Variants in PHF21B observed in about 807,000 individuals in gnomAD.
PHF21B encodes the protein PHD finger protein 4.
In PHF21B, 22 loss-of-function variants were observed where a neutral mutation model predicts 62.2. That is an observed-to-expected ratio of 0.35 (90% CI 0.25 to 0.51). The LOEUF is 0.51. Among genes scored for constraint, PHF21B ranks in the 20% least tolerant of loss-of-function variants. PHF21B has a pLI of 0.97. For missense variants in PHF21B, 701 were observed against 707.9 expected, an observed-to-expected ratio of 0.99 and a Z score of 0.11; for synonymous variants, 341 against 314.7, an observed-to-expected ratio of 1.08 and a Z score of -0.88.
At chr22:44,939,624 T>C (rs1309236142) in intron 2 of PHF21B, among the ~76,000 whole-genome samples, 2 of 151,990 alleles carry the variant, frequency 1.3e-5, no homozygotes, top group African/African-American at 2.4e-5. Flanking sequence ...GAGGTAACTG[T>C]GGGACACCCA....
intron 2 of PHF21B, among the ~76,000 whole-genome samples, chr22:44,963,414 CTAGAAA>C (rs1377992522): frequency 1.3e-5 from 2 of 152,148 alleles, no homozygotes; most frequent in Admixed American, 1.3e-4. Flanking sequence ...GTTTTTTTAC[CTAGAAA>C]TAAAGTGACT....
At chr22:44,973,696 C>G (rs1246426817) in intron 2 of PHF21B, among the ~76,000 whole-genome samples, 4 of 142,740 alleles carry the variant, frequency 2.8e-5, no homozygotes, top group African/African-American at 1.1e-4. Context: ...AGGAACCATT[C>G]TGAAACACAA....
chr22:44,970,368 T>C (rs759432862), intron 2 of PHF21B, among the ~76,000 whole-genome samples: 3 of 152,168 alleles, frequency 2.0e-5, no homozygotes, highest in Non-Finnish European at 4.4e-5. Context: ...GGGCAGATGC[T>C]GGTCAAGCAC....
intron 2 of PHF21B, among the ~76,000 whole-genome samples, chr22:44,927,303 G>A (rs1309696839): frequency 2.0e-5 from 3 of 151,940 alleles, no homozygotes; most frequent in Admixed American, 6.6e-5. Context: ...CCAAACCAAC[G>A]GCCTGTGTGC....
At chr22:44,953,320 A>G (rs943279214) in intron 2 of PHF21B, among the ~76,000 whole-genome samples, 1 of 152,108 alleles carries the variant, frequency 6.6e-6, no homozygotes, top group Non-Finnish European at 1.5e-5. Flanking sequence ...GGAAATTAGA[A>G]CTCACAGCAA....
intron 2 of PHF21B, among the ~76,000 whole-genome samples, chr22:44,965,006 G>A (rs1415419179): frequency 2.0e-5 from 3 of 152,186 alleles, no homozygotes; most frequent in African/African-American, 7.2e-5. Context: ...CCTGGGGCAG[G>A]GGCATCTCAG....
chr22:44,900,667 G>C (rs571374622), intron 5 of PHF21B, among the ~76,000 whole-genome samples: 2 of 152,118 alleles, frequency 1.3e-5, no homozygotes, highest in East Asian at 3.9e-4. Flanking sequence ...TGAAATCCTT[G>C]GCTTGTTCTT....
intron 5 of PHF21B, among the ~76,000 whole-genome samples, chr22:44,912,153 T>C (rs1048364702): frequency 2.6e-5 from 4 of 152,238 alleles, no homozygotes; most frequent in Non-Finnish European, 4.4e-5. Context: ...TGTACCCTCA[T>C]TGTATTTAGG....
intron 2 of PHF21B, among the ~76,000 whole-genome samples, chr22:45,002,676 A>C (rs946506984): frequency 9.9e-5 from 15 of 152,036 alleles, no homozygotes; most frequent in African/African-American, 3.6e-4. Flanking sequence ...GCACCCCTGC[A>C]CTCCTACACA....
intron 5 of PHF21B, among the ~76,000 whole-genome samples, chr22:44,909,584 C>G (rs1206048955): frequency 6.6e-6 from 1 of 152,268 alleles, no homozygotes; most frequent in Non-Finnish European, 1.5e-5. Context: ...CCGTGGCTCC[C>G]CATTACCTAA....
chr22:44,978,360 T>C (rs1255092442), intron 2 of PHF21B, among the ~76,000 whole-genome samples: 1 of 152,000 alleles, frequency 6.6e-6, no homozygotes, highest in East Asian at 1.9e-4. Flanking sequence ...TTGTTTTTGT[T>C]TGTTTTGTTT....
chr22:44,907,551 T>C (rs867658507), intron 5 of PHF21B, among the ~76,000 whole-genome samples: 10 of 152,278 alleles, frequency 6.6e-5, no homozygotes, highest in South Asian at 4.1e-4. Flanking sequence ...GTCTGTGACC[T>C]GGAAGGGCAG....
intron 2 of PHF21B, among the ~76,000 whole-genome samples, chr22:44,937,162 G>C (rs552863801): frequency 6.6e-6 from 1 of 152,230 alleles, no homozygotes; most frequent in African/African-American, 2.4e-5. Flanking sequence ...CACCGCACCC[G>C]GCTGAACATT....
chr22:45,002,943 G>A (rs1364414485), intron 2 of PHF21B: 1 of 152,246 alleles, frequency 6.6e-6, no homozygotes, highest in Non-Finnish European at 1.5e-5. Flanking sequence ...TCCCCAGGAG[G>A]CCCTATGGAC....
chr22:44,920,378 C>T lies in PHF21B; in HGVS notation c.213+20G>A. The T allele has an allele frequency of 1.3e-6, 2 of 1,587,112 alleles. No homozygotes were observed. The highest frequency in any genetic ancestry group is 1.7e-6 in the Non-Finnish European group (2 of 1,163,600). On this transcript the variant is annotated intron_variant, in intron 3 of 12. Transcript: ENST00000313237. Reference sequence around the variant, plus strand: ...GGACAGACAGACGGACACCCCAGGGCCCGCCCGAGGGCTGCTTACCTGAGG... The same window carrying T: ...GGACAGACAGACGGACACCCCAGGGTCCGCCCGAGGGCTGCTTACCTGAGG...
chr22:44,972,300 T>C (rs1348171613), intron 2 of PHF21B, among the ~76,000 whole-genome samples: 1 of 152,270 alleles, frequency 6.6e-6, no homozygotes, highest in Non-Finnish European at 1.5e-5. Flanking sequence ...CGTTTCTTTT[T>C]TCTTTTGACT....
intron 2 of PHF21B, among the ~76,000 whole-genome samples, chr22:44,999,109 G>A (rs1382583965): frequency 2.0e-5 from 3 of 152,302 alleles, no homozygotes; most frequent in African/African-American, 7.2e-5. Flanking sequence ...GCCCGCTGTT[G>A]GCAGTCAGGG....
rs115485808 is a variant in PHF21B, at chr22:44,943,398, G to A, written c.121-22908C>T. Among the ~76,000 whole-genome samples, 777 of 152,290 alleles carry A rather than the reference G, an allele frequency of 5.1e-3. 5 individuals are homozygous for A. The highest frequency in any genetic ancestry group is 0.018 in the African/African-American group (738 of 41,564). On this transcript the variant is annotated intron_variant, in intron 2 of 12. Coordinates refer to ENST00000313237, the MANE Select transcript of PHF21B (RefSeq NM_138415.5). Reference sequence around the variant, plus strand: ...AAGCCCCTATTTTGTTTTGAGCAGAGCCCCATCTGAGCTAGATCCCAGGGA... The same window carrying A: ...AAGCCCCTATTTTGTTTTGAGCAGAACCCCATCTGAGCTAGATCCCAGGGA...
In PHF21B at chr22:44,893,638, CCT is replaced by C. The variant is rs1196415554; in HGVS notation, c.884-107_884-106del. On this transcript the variant is annotated intron_variant, in intron 6 of 12. Transcript: ENST00000313237. ...ACCACCATCCCCTCCTGCTCTGAAG[CCT>C]CTCTGTGTGCTCAGCATCCATGCCA... is the stretch of plus-strand genomic sequence containing the variant. 3 of 1,115,060 alleles carry C rather than the reference CCT, an allele frequency of 2.7e-6. No homozygotes were observed. The African/African-American group carries it at 4.6e-5, about 17-fold the overall frequency. The allele number at this position is 1,115,060 out of a possible 1,614,324, so 69.1% of individuals were successfully genotyped here.
Sources: allele counts gnomAD v4.1 joint callset (sites outside exome capture counted in the v4.1 genomes callset), GRCh38; gene constraint gnomAD v4.1.1; transcripts MANE v1.5; gene names NCBI Gene and HGNC (gene_info 2026-07-23, HGNC 2026-07-21).